Variants in EXOC6B observed in about 807,000 individuals in gnomAD.
EXOC6B encodes the protein SEC15 homolog B.
A neutral mutation model predicts 113.5 loss-of-function variants in EXOC6B; 54 were observed. That is an observed-to-expected ratio of 0.48 (90% confidence interval 0.38 to 0.60). The LOEUF is 0.60. Ranked by LOEUF, EXOC6B falls within the 20% of genes least tolerant of loss-of-function variation. The pLI, the probability that EXOC6B is intolerant of heterozygous loss-of-function variation, is 0.00. For synonymous variants in EXOC6B, 357 were observed against 339.0 expected, an observed-to-expected ratio of 1.05 and a Z score of -0.58; for missense variants, 797 against 977.5, an observed-to-expected ratio of 0.82 and a Z score of 2.46.
intron 18 of EXOC6B, among the ~76,000 whole-genome samples, chr2:72,401,156 C>G (rs1329851513): frequency 6.6e-6 from 1 of 151,468 alleles, no homozygotes; most frequent in African/African-American, 2.4e-5. Flanking sequence ...GAGATGAGTT[C>G]CATATAAGAA....
intron 8 of EXOC6B, among the ~76,000 whole-genome samples, chr2:72,543,020 T>A (rs1383774786): frequency 6.6e-6 from 1 of 152,064 alleles, no homozygotes; most frequent in African/African-American, 2.4e-5. Flanking sequence ...ATCTCAGTAA[T>A]GGAAGAAATT....
At chr2:72,406,702 A>T (rs1186481459) in intron 18 of EXOC6B, among the ~76,000 whole-genome samples, 1 of 152,194 alleles carries the variant, frequency 6.6e-6, no homozygotes, top group Non-Finnish European at 1.5e-5. Context: ...ACATTCAAAG[A>T]AGTGTGTAGA....
intron 6 of EXOC6B, among the ~76,000 whole-genome samples, chr2:72,691,636 T>C (rs1353997728): frequency 6.6e-6 from 1 of 151,266 alleles, no homozygotes; most frequent in Non-Finnish European, 1.5e-5. Context: ...AAAGAAACTA[T>C]AAACTAGCAG....
intron 18 of EXOC6B, among the ~76,000 whole-genome samples, chr2:72,450,096 AATTTG>A (rs1390313521): frequency 1.3e-5 from 2 of 152,218 alleles, no homozygotes; most frequent in Non-Finnish European, 2.9e-5. Flanking sequence ...TATCTATAAT[AATTTG>A]ACAATCTCTC....
chr2:72,330,335 AATAG>A (rs949864111), intron 20 of EXOC6B, among the ~76,000 whole-genome samples: 3 of 152,068 alleles, frequency 2.0e-5, no homozygotes, highest in Non-Finnish European at 4.4e-5. Flanking sequence ...TAATGAGGAG[AATAG>A]ATAGGACATA....
chr2:72,231,782 T>C (rs919267033), intron 20 of EXOC6B, among the ~76,000 whole-genome samples: 1 of 152,152 alleles, frequency 6.6e-6, no homozygotes, highest in Middle Eastern at 3.2e-3. Context: ...GAGATACATT[T>C]TGACTATTAG....
intron 16 of EXOC6B, among the ~76,000 whole-genome samples, chr2:72,481,897 A>C (rs1699121577): frequency 6.6e-6 from 1 of 152,214 alleles, no homozygotes; most frequent in Non-Finnish European, 1.5e-5. Flanking sequence ...GTCTGTATAG[A>C]ATTAAGGATT....
chr2:72,319,496 C>T, intron 20 of EXOC6B, among the ~76,000 whole-genome samples: 1 of 151,992 alleles, frequency 6.6e-6, no homozygotes, highest in Non-Finnish European at 1.5e-5. Context: ...TATAAACTCC[C>T]CAAAAATGTA....
chr2:72,250,680 T>C (rs1195664149), intron 20 of EXOC6B, among the ~76,000 whole-genome samples: 5 of 152,132 alleles, frequency 3.3e-5, no homozygotes, highest in African/African-American at 4.8e-5. Flanking sequence ...GTCAGATCTC[T>C]GTAAGCAATA....
intron 17 of EXOC6B, among the ~76,000 whole-genome samples, chr2:72,475,622 A>G (rs973301687): frequency 1.6e-4 from 25 of 152,040 alleles, no homozygotes; most frequent in African/African-American, 5.8e-4. Context: ...TCTGATAATG[A>G]GTATAGGCAC....
intron 20 of EXOC6B, among the ~76,000 whole-genome samples, chr2:72,193,336 A>G (rs1678971404): frequency 6.6e-6 from 1 of 152,186 alleles, no homozygotes; most frequent in Non-Finnish European, 1.5e-5. Flanking sequence ...TTATTGCCCA[A>G]GATTTCCTCC....
intron 13 of EXOC6B, 128 bp from the exon 14 acceptor site, chr2:72,496,687 C>T: frequency 1.5e-6 from 1 of 664,480 alleles, no homozygotes; most frequent in African/African-American, 1.8e-5. Context: ...AATATATATG[C>T]CACAACCCAA....
intron 20 of EXOC6B, among the ~76,000 whole-genome samples, chr2:72,211,776 G>A (rs529420649): frequency 9.8e-4 from 149 of 152,294 alleles, no homozygotes; most frequent in African/African-American, 2.9e-3. Flanking sequence ...AAGTATATTT[G>A]TTTTTGTCAA....
chr2:72,551,476 G>A (rs901908857), intron 8 of EXOC6B, among the ~76,000 whole-genome samples: 3 of 150,602 alleles, frequency 2.0e-5, no homozygotes, highest in African/African-American at 7.3e-5. Context: ...GATTACAGGC[G>A]TGAGCCACCG....
At chr2:72,248,106 A>T (rs1260794643) in intron 20 of EXOC6B, among the ~76,000 whole-genome samples, 1 of 152,170 alleles carries the variant, frequency 6.6e-6, no homozygotes, top group Non-Finnish European at 1.5e-5. Flanking sequence ...ACATTACCTG[A>T]CTTCCTCTGC....
intron 15 of EXOC6B, among the ~76,000 whole-genome samples, chr2:72,494,201 T>C (rs1323259120): frequency 1.3e-5 from 2 of 152,148 alleles, no homozygotes; most frequent in African/African-American, 2.4e-5. Flanking sequence ...CTTTACCATA[T>C]TACCTTTCTT....
intron 1 of EXOC6B, among the ~76,000 whole-genome samples, chr2:72,766,956 GA>G (rs971595036): frequency 2.7e-3 from 153 of 56,884 alleles, no homozygotes; most frequent in East Asian, 5.6e-3. Flanking sequence ...TGTCTCAAAA[GA>G]AAAAAAAAAA....
At chr2:72,360,100 T>C (rs540336144) in intron 19 of EXOC6B, among the ~76,000 whole-genome samples, 77 of 152,222 alleles carry the variant, frequency 5.1e-4, no homozygotes, top group Middle Eastern at 3.4e-3. Flanking sequence ...ATACTTTTTT[T>C]TTTTTCAGAT....
chr2:72,452,978 G>C (rs1696999235), intron 18 of EXOC6B, among the ~76,000 whole-genome samples: 1 of 152,012 alleles, frequency 6.6e-6, no homozygotes, highest in Non-Finnish European at 1.5e-5. Context: ...CCCTTGCCTA[G>C]AAGTTTGCTT....
Sources: allele counts gnomAD v4.1 joint callset (sites outside exome capture counted in the v4.1 genomes callset), GRCh38; gene constraint gnomAD v4.1.1; transcripts MANE v1.5; gene names NCBI Gene and HGNC (gene_info 2026-07-23, HGNC 2026-07-21).